The following KCNQ5 variants were observed in gnomAD, a reference collection of about 807,000 sequenced individuals.
KCNQ5 encodes potassium voltage-gated channel subfamily Q member 5, also known as potassium voltage-gated channel subfamily KQT member 5.
Under a neutral mutation model 98.2 loss-of-function variants are expected in KCNQ5, and 30 were observed. That is an observed-to-expected ratio of 0.31 (90% confidence interval 0.23 to 0.41). The LOEUF is 0.41. KCNQ5 is among the 10% of genes least tolerant of loss of function. KCNQ5 has a pLI of 1.00. For synonymous variants in KCNQ5, 458 were observed against 449.4 expected (o/e 1.02, Z -0.24); for missense variants, 835 against 1,182.5 (o/e 0.71, Z 4.31).
intron 5 of KCNQ5, among the ~76,000 whole-genome samples, chr6:73,103,649 AAC>A (rs1256353809): frequency 6.6e-6 from 1 of 152,102 alleles, no homozygotes; most frequent in Non-Finnish European, 1.5e-5. Context: ...AAAAAAAATT[AAC>A]AGTTAAACTC....
rs961875938 is a variant in KCNQ5 at position 73,198,745 on chromosome 6, C to G, written c.*3331C>G. On this transcript the variant is annotated 3_prime_UTR_variant, in exon 14 of 14. Transcript: ENST00000370398. ...GTCTGTTTCCTGAAAACAAATAAAT[C>G]GGGAACACCATATCCATTTCAAGCT... 6.6e-6 allele frequency: 1 copy of G among 152,172 alleles called. No individual in the cohort carries two copies. The highest frequency in any genetic ancestry group is 2.4e-5 in the African/African-American group (1 of 41,436). The allele number at this position is 152,172 out of a possible 1,614,324, so 9.4% of individuals were successfully genotyped here. A position where few individuals can be genotyped will look rare whatever the true frequency, so the allele number is the denominator to read the frequency against.
intron 2 of KCNQ5, among the ~76,000 whole-genome samples, chr6:73,040,804 A>T (rs1771654467): frequency 6.6e-6 from 1 of 152,222 alleles, no homozygotes; most frequent in Non-Finnish European, 1.5e-5. Context: ...AAAGAAACAG[A>T]CATTTGCCTG....
chr6:72,741,595 C>T (rs1000901043), intron 1 of KCNQ5, among the ~76,000 whole-genome samples: 2 of 152,032 alleles, frequency 1.3e-5, no homozygotes, highest in African/African-American at 2.4e-5. Context: ...GCTTCTGGTC[C>T]ATAATCTTCA....
chr6:72,987,295 T>C, intron 1 of KCNQ5: 1 of 696,322 alleles, frequency 1.4e-6, no homozygotes, highest in Non-Finnish European at 2.7e-6. Context: ...GAGGTGGTGT[T>C]GGAAAAGAAA....
chr6:72,655,207 T>C (rs1417787537), intron 1 of KCNQ5, among the ~76,000 whole-genome samples: 4 of 150,148 alleles, frequency 2.7e-5, no homozygotes, highest in African/African-American at 9.8e-5. Flanking sequence ...TCCTCCACAA[T>C]AAATCGTAAT....
At chr6:72,945,306 C>G (rs111696505) in intron 1 of KCNQ5, among the ~76,000 whole-genome samples, 7,919 of 151,736 alleles carry the variant, frequency 0.052, 694 homozygotes, top group African/African-American at 0.18. Context: ...ACAACGTGCA[C>G]GTTAGTTACA....
chr6:72,739,150 C>T (rs1337055073), intron 1 of KCNQ5, among the ~76,000 whole-genome samples: 1 of 151,974 alleles, frequency 6.6e-6, no homozygotes, highest in Non-Finnish European at 1.5e-5. Flanking sequence ...TGTGTGGAGC[C>T]ACCGGGTATA....
At chr6:72,684,475 C>T (rs1001296943) in intron 1 of KCNQ5, among the ~76,000 whole-genome samples, 1 of 152,212 alleles carries the variant, frequency 6.6e-6, no homozygotes, top group African/African-American at 2.4e-5. Context: ...AATCTTTCAT[C>T]AGTGTCTTTG....
intron 1 of KCNQ5, among the ~76,000 whole-genome samples, chr6:72,732,936 C>T (rs1770631171): frequency 6.6e-6 from 1 of 152,064 alleles, no homozygotes; most frequent in African/African-American, 2.4e-5. Context: ...GGAGGATGCT[C>T]CAGTGTCTGT....
intron 9 of KCNQ5, 69 bp downstream of exon 9, chr6:73,124,581 C>G: frequency 1.5e-6 from 2 of 1,342,334 alleles, no homozygotes; most frequent in Non-Finnish European, 2.1e-6. Context: ...TTAAATGTGT[C>G]TCATGTGAGT....
intron 1 of KCNQ5, among the ~76,000 whole-genome samples, chr6:72,641,045 CTTTT>C (rs1327660581): frequency 6.6e-6 from 1 of 152,120 alleles, no homozygotes; most frequent in East Asian, 1.9e-4. Flanking sequence ...ATTTCCATGA[CTTTT>C]CTTTCTTCTA....
At chr6:72,766,963 A>G (rs560170756) in intron 1 of KCNQ5, among the ~76,000 whole-genome samples, 3 of 152,000 alleles carry the variant, frequency 2.0e-5, no homozygotes, top group African/African-American at 7.2e-5. Flanking sequence ...AAATGAAGGT[A>G]GGTAGAAAAG....
intron 1 of KCNQ5, among the ~76,000 whole-genome samples, chr6:72,922,767 C>CATTGGGTT (rs1416452682): frequency 1.3e-5 from 2 of 149,746 alleles, no homozygotes; most frequent in African/African-American, 2.5e-5. Flanking sequence ...AATAATATTT[C>CATTGGGTT]ATTGGGTATA....
At chr6:72,672,414 A>G (rs1767171124) in intron 1 of KCNQ5, among the ~76,000 whole-genome samples, 1 of 152,176 alleles carries the variant, frequency 6.6e-6, no homozygotes, top group Non-Finnish European at 1.5e-5. Flanking sequence ...AGAAAATTTT[A>G]TATGTATATA....
rs66921503 is a variant in KCNQ5, at chr6:73,082,887, C to CT, written c.918+5021dup. The stretch of plus-strand genomic sequence containing the variant: ...AGAGTCAGCATGTTCATTACCAAAC[C>CT]TTTTTTTTTTTTTTTTTTTTTGAGA... On this transcript the variant is annotated intron_variant, in intron 5 of 13. Coordinates refer to ENST00000370398, the MANE Select transcript of KCNQ5 (RefSeq NM_019842.4). 4.0e-3 allele frequency among the ~76,000 whole-genome samples: 292 copies of CT among 72,872 alleles called. 1 individual carries two copies. The highest frequency in any genetic ancestry group is 0.012 in the African/African-American group (220 of 18,858). The allele number at this position is 72,872 out of a possible 152,430, so 47.8% of individuals were successfully genotyped here. A position where few individuals can be genotyped will look rare whatever the true frequency, so the allele number is the denominator to read the frequency against.
chr6:72,838,927 G>A (rs1362618434), intron 1 of KCNQ5, among the ~76,000 whole-genome samples: 1 of 128,770 alleles, frequency 7.8e-6, no homozygotes, highest in Non-Finnish European at 1.6e-5. Context: ...TCCAGCCTGG[G>A]CGACAGAGCG....
At chr6:72,979,192 A>G (rs991139006) in intron 1 of KCNQ5, among the ~76,000 whole-genome samples, 4 of 152,252 alleles carry the variant, frequency 2.6e-5, no homozygotes, top group African/African-American at 9.6e-5. Flanking sequence ...GTATATACCC[A>G]GTAATGGGAA....
intron 1 of KCNQ5, among the ~76,000 whole-genome samples, chr6:72,734,210 C>T (rs1004987872): frequency 3.9e-5 from 6 of 152,226 alleles, no homozygotes; most frequent in Non-Finnish European, 7.3e-5. Flanking sequence ...ATTTCCTTCT[C>T]AAGTTCAAGA....
At chr6:73,011,697 G>A (rs78559172) in intron 2 of KCNQ5, among the ~76,000 whole-genome samples, 4,517 of 152,136 alleles carry the variant, frequency 0.03, 222 homozygotes, top group African/African-American at 0.1. Flanking sequence ...CACAGAATGA[G>A]AGAAAATATC....
Sources: gnomAD v4.1 joint callset for allele counts (sites outside exome capture counted in the v4.1 genomes callset) on GRCh38, gnomAD v4.1.1 for gene constraint, MANE v1.5 for transcripts, NCBI Gene and HGNC (gene_info 2026-07-23, HGNC 2026-07-21) for gene names.